The following PPME1 variants were observed in gnomAD, a reference collection of about 807,000 sequenced individuals.
PPME1 encodes the protein testicular secretory protein Li 39.
Under a neutral mutation model 56.9 loss-of-function variants are expected in PPME1, and 17 were observed. The observed-to-expected ratio is 0.30, with a 90% CI of 0.20 to 0.45. PPME1 has a LOEUF of 0.45. Among genes scored for constraint, PPME1 ranks in the 20% least tolerant of loss-of-function variants. The pLI, the probability that PPME1 is intolerant of heterozygous loss-of-function variation, is 1.00. For missense variants in PPME1, 357 were observed against 483.2 expected (o/e 0.74, Z 2.45); for synonymous variants, 122 against 156.2 (o/e 0.78, Z 1.63).
chr11:74,194,272 A>G (rs1857921803), intron 1 of PPME1, among the ~76,000 whole-genome samples: 1 of 152,042 alleles, frequency 6.6e-6, no homozygotes. Flanking sequence ...CACTGAGCTT[A>G]TGATTCTTTG....
chr11:74,253,061 A>G (rs1240866420), intron 13 of PPME1, among the ~76,000 whole-genome samples: 1 of 152,176 alleles, frequency 6.6e-6, no homozygotes, highest in Non-Finnish European at 1.5e-5. Flanking sequence ...AAGAAATATT[A>G]AGAAAAGGAA....
intron 4 of PPME1, among the ~76,000 whole-genome samples, chr11:74,224,102 T>C (rs1858873082): frequency 6.7e-6 from 1 of 149,734 alleles, no homozygotes; most frequent in South Asian, 2.1e-4. Flanking sequence ...CTTTAATCCA[T>C]CTTGAATTGA....
At chr11:74,239,321 G>A (rs1859286027) in intron 9 of PPME1, 65 bp downstream of exon 9, 4 of 1,567,092 alleles carry the variant, frequency 2.6e-6, no homozygotes, top group East Asian at 2.2e-5. Context: ...GTGTGGGTGG[G>A]AAGGGGTGAT....
chr11:74,173,007 A>G (rs1857315439), intron 1 of PPME1, among the ~76,000 whole-genome samples: 1 of 152,164 alleles, frequency 6.6e-6, no homozygotes, highest in Non-Finnish European at 1.5e-5. Context: ...TGGGTGGAAA[A>G]ACCAGGGAAG....
At chr11:74,237,869 AC>A (rs1198364549) in intron 8 of PPME1, 1 of 152,236 alleles carries the variant, frequency 6.6e-6, no homozygotes, top group African/African-American at 2.4e-5. Context: ...ACTTTGAATA[AC>A]CTGTGAGACT....
At chr11:74,236,506 A>G (rs1314332972) in intron 8 of PPME1, among the ~76,000 whole-genome samples, 1 of 152,248 alleles carries the variant, frequency 6.6e-6, no homozygotes. Context: ...GCCCAACAGA[A>G]CAGACAGAAG....
chr11:74,177,320 G>A (rs1426935847), intron 1 of PPME1, among the ~76,000 whole-genome samples: 2 of 151,966 alleles, frequency 1.3e-5, no homozygotes, highest in Admixed American at 6.6e-5. Flanking sequence ...AATTTAGCTG[G>A]GTGTGGTGGT....
At chr11:74,210,963 T>G (rs1407566734) in intron 3 of PPME1, among the ~76,000 whole-genome samples, 1 of 152,236 alleles carries the variant, frequency 6.6e-6, no homozygotes, top group Non-Finnish European at 1.5e-5. Flanking sequence ...TGTGAAGATA[T>G]TCTCTCTCTA....
chr11:74,239,053 AG>A (rs1203000323), intron 8 of PPME1, 79 bp from the exon 9 acceptor site: 1 of 1,335,028 alleles, frequency 7.5e-7, no homozygotes, highest in East Asian at 2.3e-5. Flanking sequence ...TGATTATAAA[AG>A]GCCGTAAGTA....
chr11:74,245,782 G>T (rs1214019063), intron 9 of PPME1, among the ~76,000 whole-genome samples: 1 of 152,138 alleles, frequency 6.6e-6, no homozygotes, highest in African/African-American at 2.4e-5. Context: ...TATAAGAAAG[G>T]CTTAATCTTG....
intron 3 of PPME1, among the ~76,000 whole-genome samples, chr11:74,210,626 C>T (rs1424361674): frequency 6.6e-6 from 1 of 152,134 alleles, no homozygotes; most frequent in Non-Finnish European, 1.5e-5. Flanking sequence ...TCTGACATCT[C>T]CCTCCCCTCT....
chr11:74,251,291 A>AAGCCAG, intron 12 of PPME1: 1 of 1,358,038 alleles, frequency 7.4e-7, no homozygotes, highest in Non-Finnish European at 9.5e-7. Context: ...ATACCCCCAA[A>AAGCCAG]AGCCAGAGAT....
intron 3 of PPME1, among the ~76,000 whole-genome samples, chr11:74,208,193 T>TCCCC (rs1323540540): frequency 6.6e-6 from 1 of 151,780 alleles, no homozygotes; most frequent in Non-Finnish European, 1.5e-5. Context: ...ACACCAGTAG[T>TCCCC]CCCAGCTACT....
intron 5 of PPME1, among the ~76,000 whole-genome samples, 181 bp downstream of exon 5, chr11:74,225,437 G>C (rs1858910142): frequency 6.6e-6 from 1 of 152,068 alleles, no homozygotes; most frequent in South Asian, 2.1e-4. Context: ...AAAGAAACCT[G>C]CGTCTTTCTT....
chr11:74,214,387 G>A (rs1016299765), intron 3 of PPME1, among the ~76,000 whole-genome samples: 2 of 152,156 alleles, frequency 1.3e-5, no homozygotes, highest in Non-Finnish European at 2.9e-5. Context: ...AGGAGGTAGA[G>A]AGATTGGCAT....
intron 1 of PPME1, among the ~76,000 whole-genome samples, chr11:74,190,573 C>T (rs919574763): frequency 5.9e-5 from 9 of 152,192 alleles, no homozygotes; most frequent in Non-Finnish European, 1.2e-4. Flanking sequence ...ATTACCCAGC[C>T]TCAAGTATTT....
chr11:74,230,875 G>C lies in PPME1; in HGVS notation c.554-37G>C. Reference sequence around the variant, plus strand: ...CAGTAAGTGTAAATGCTCAGAATAAGTTAAATATGTGGTTACAGTTTTTGT... The same window carrying C: ...CAGTAAGTGTAAATGCTCAGAATAACTTAAATATGTGGTTACAGTTTTTGT... On this transcript the variant is annotated intron_variant, in intron 6 of 13. Coordinates refer to ENST00000328257, the MANE Select transcript of PPME1 (RefSeq NM_016147.3). This position sits in a 1 kb window ranked among gnomAD's most constrained non-coding sequence, Gnocchi z 4.9. The C allele has an allele frequency of 6.8e-7, 1 of 1,462,478 alleles. No individual in the cohort carries two copies. Among genetic ancestry groups the C allele is most frequent in the Non-Finnish European group, 9.4e-7 (1 of 1,060,918 alleles). 90.6% of individuals were successfully genotyped at this position (1,462,478 alleles called of 1,614,324 possible). A position where few individuals can be genotyped will look rare whatever the true frequency, so the allele number is the denominator to read the frequency against.
chr11:74,186,789 TA>T (rs1340481168), intron 1 of PPME1, among the ~76,000 whole-genome samples: 1 of 152,202 alleles, frequency 6.6e-6, no homozygotes, highest in African/African-American at 2.4e-5. Context: ...AGCTAATCCA[TA>T]TCACTATCCT....
At chr11:74,189,725 C>T (rs796947129) in intron 1 of PPME1, among the ~76,000 whole-genome samples, 37 of 152,326 alleles carry the variant, frequency 2.4e-4, no homozygotes, top group African/African-American at 8.9e-4. Flanking sequence ...GTGTATTCAG[C>T]CAGTCTCCTG....
Sources: allele counts gnomAD v4.1 joint callset (sites outside exome capture counted in the v4.1 genomes callset), GRCh38; gene constraint gnomAD v4.1.1; non-coding constraint Gnocchi (gnomAD v3.1); transcripts MANE v1.5; gene names NCBI Gene and HGNC (gene_info 2026-07-23, HGNC 2026-07-21).